Variants in LRMDA observed in about 807,000 individuals in gnomAD.
The protein encoded by LRMDA is leucine-rich melanocyte differentiation-associated protein.
A neutral mutation model predicts 29.8 loss-of-function variants in LRMDA; 18 were observed. The observed-to-expected ratio is 0.60, with a 90% CI of 0.42 to 0.90. The LOEUF is 0.90. Among genes scored for constraint, LRMDA ranks in the 40% least tolerant of loss-of-function variants. LRMDA has a pLI of 0.00. For missense variants in LRMDA, 273 were observed against 273.9 expected (o/e 1.00, Z 0.02); for synonymous variants, 125 against 109.4 (o/e 1.14, Z -0.89).
chr10:75,499,363 A>G (rs1297100600), intron 2 of LRMDA, among the ~76,000 whole-genome samples: 1 of 152,170 alleles, frequency 6.6e-6, no homozygotes, highest in Non-Finnish European at 1.5e-5. Context: ...TATGTGGACT[A>G]GTGAAGAGAG....
chr10:76,082,657 C>G (rs75424111), intron 5 of LRMDA, among the ~76,000 whole-genome samples: 2 of 151,822 alleles, frequency 1.3e-5, no homozygotes, highest in East Asian at 3.9e-4. Flanking sequence ...TCACCTTGTA[C>G]CCATTAGGCT....
In LRMDA at chr10:76,344,737, A is replaced by G. The variant is rs1841081281; in HGVS notation, c.601+20252A>G. Among the ~76,000 whole-genome samples the G allele has an allele frequency of 4.6e-5, 7 of 152,248 alleles. No individual in the cohort carries two copies. In the South Asian group the frequency reaches 1.4e-3, roughly 32 times the overall value. On this transcript the variant is annotated intron_variant, in intron 6 of 6. Transcript: ENST00000611255. ...GTAGTCTAGAACTAGACTCAGTTAC[A>G]TGTAGAAATTTGTATATGGTAAAGT...
At chr10:75,721,115 T>C (rs949013484) in intron 2 of LRMDA, among the ~76,000 whole-genome samples, 1 of 152,240 alleles carries the variant, frequency 6.6e-6, no homozygotes, top group African/African-American at 2.4e-5. Flanking sequence ...ACCATTTTGT[T>C]CTGGCTCCAA....
At chr10:76,095,877 G>A (rs1173506837) in intron 5 of LRMDA, among the ~76,000 whole-genome samples, 4 of 151,544 alleles carry the variant, frequency 2.6e-5, no homozygotes, top group Non-Finnish European at 5.9e-5. Context: ...GTCGGGAGGC[G>A]GAGCTTGCAG....
In LRMDA at chr10:76,531,627, G is replaced by A. The variant is rs974770400; in HGVS notation, c.602-25582G>A. On this transcript the variant is annotated intron_variant, in intron 6 of 6. Coordinates refer to ENST00000611255, the MANE Select transcript of LRMDA (RefSeq NM_001305581.2). ...TATTGAACCAACCTTGCATCTCTAG[G>A]ATAAAGTGTACTTGGTCATGATGTA... 5.3e-5 allele frequency among the ~76,000 whole-genome samples: 8 copies of A among 151,974 alleles called. No homozygotes were observed. In the East Asian group the frequency reaches 5.8e-4, roughly 11 times the overall value.
At chr10:75,575,720 G>T (rs776454936) in intron 2 of LRMDA, among the ~76,000 whole-genome samples, 3 of 152,212 alleles carry the variant, frequency 2.0e-5, no homozygotes, top group African/African-American at 7.2e-5. Context: ...CCCAAGGAGG[G>T]TGAGCCGAAG....
At chr10:75,713,859 C>T (rs892986207) in intron 2 of LRMDA, among the ~76,000 whole-genome samples, 2 of 152,136 alleles carry the variant, frequency 1.3e-5, no homozygotes, top group African/African-American at 4.8e-5. Context: ...CTCTCTCTCT[C>T]TCCTCTCTCC....
chr10:76,103,251 C>G (rs552980237), intron 5 of LRMDA, among the ~76,000 whole-genome samples: 12 of 152,254 alleles, frequency 7.9e-5, no homozygotes, highest in Non-Finnish European at 1.3e-4. Flanking sequence ...TCATAACCTT[C>G]TTGGATGGAA....
At position 76,335,512 on chromosome 10, in the gene LRMDA, G is replaced by A. The variant is rs1479224099; in HGVS notation, c.601+11027G>A. ...TTATTTTGCAAAGACTTAAGGATGC[G>A]CCTGTGACACAGCCTCAGGAGGTCC... is the stretch of plus-strand genomic sequence containing the variant. On this transcript the variant is annotated intron_variant, in intron 6 of 6. Coordinates refer to ENST00000611255, the MANE Select transcript of LRMDA (RefSeq NM_001305581.2). Among the ~76,000 whole-genome samples the A allele has an allele frequency of 2.0e-5, 3 of 152,180 alleles. No individual in the cohort carries two copies. In the East Asian group the frequency reaches 5.8e-4, roughly 29 times the overall value.
chr10:76,195,862 C>A (rs1851323218), intron 5 of LRMDA, among the ~76,000 whole-genome samples: 1 of 152,132 alleles, frequency 6.6e-6, no homozygotes, highest in East Asian at 1.9e-4. Flanking sequence ...TGTGACTGAC[C>A]CACTTCTTTT....
In LRMDA at chr10:76,489,998, T is replaced by C. The variant is rs1413969795; in HGVS notation, c.602-67211T>C. Among the ~76,000 whole-genome samples the C allele has an allele frequency of 3.3e-5, 5 of 151,930 alleles. No homozygotes were observed. In the East Asian group the frequency reaches 9.7e-4, roughly 30 times the overall value. ...TTTATAAATTACCCAGTCTCAGGTA[T>C]TCATAATAAAATGAAAATAAAAATA... is the stretch of plus-strand genomic sequence containing the variant. On this transcript the variant is annotated intron_variant, in intron 6 of 6. Coordinates refer to ENST00000611255, the MANE Select transcript of LRMDA (RefSeq NM_001305581.2).
intron 6 of LRMDA, among the ~76,000 whole-genome samples, chr10:76,469,441 G>A (rs1456278746): frequency 1.3e-5 from 2 of 152,074 alleles, no homozygotes; most frequent in African/African-American, 4.8e-5. Context: ...CATCATTCTT[G>A]CTCAAGAATG....
At chr10:76,191,435 T>C (rs1851244480) in intron 5 of LRMDA, among the ~76,000 whole-genome samples, 1 of 152,226 alleles carries the variant, frequency 6.6e-6, no homozygotes, top group Admixed American at 6.5e-5. Context: ...CCTTTGTCAC[T>C]TCATTCCTTC....
chr10:76,269,536 A>G (rs970169523), intron 5 of LRMDA, among the ~76,000 whole-genome samples: 8 of 152,180 alleles, frequency 5.3e-5, no homozygotes, highest in Non-Finnish European at 1.0e-4. Context: ...GAGGATGTCT[A>G]TAGATACATA....
intron 5 of LRMDA, among the ~76,000 whole-genome samples, chr10:76,202,777 A>T (rs1251641048): frequency 6.6e-6 from 1 of 152,036 alleles, no homozygotes; most frequent in Admixed American, 6.6e-5. Flanking sequence ...GAAGGAGCGG[A>T]CACTAGATGA....
At chr10:75,527,744 T>C (rs1434625035) in intron 2 of LRMDA, among the ~76,000 whole-genome samples, 1 of 147,366 alleles carries the variant, frequency 6.8e-6, no homozygotes, top group Non-Finnish European at 1.5e-5. Flanking sequence ...AATTATAATA[T>C]AAATAATATA....
chr10:75,657,315 A>G (rs1001761392), intron 2 of LRMDA, among the ~76,000 whole-genome samples: 2 of 152,238 alleles, frequency 1.3e-5, no homozygotes, highest in Non-Finnish European at 2.9e-5. Flanking sequence ...AGTGGTCAGA[A>G]AGATCTTAAA....
intron 2 of LRMDA, among the ~76,000 whole-genome samples, chr10:75,957,233 A>G (rs1262085929): frequency 6.6e-6 from 1 of 152,248 alleles, no homozygotes; most frequent in Non-Finnish European, 1.5e-5. Context: ...TTAGTGGGCT[A>G]TGCTGAGTTC....
At chr10:75,913,623 G>C (rs757130936) in intron 2 of LRMDA, among the ~76,000 whole-genome samples, 1 of 152,220 alleles carries the variant, frequency 6.6e-6, no homozygotes, top group Non-Finnish European at 1.5e-5. Flanking sequence ...ACCTCCTTGA[G>C]GCTAGGCTGA....
Sources: allele counts gnomAD v4.1 joint callset (sites outside exome capture counted in the v4.1 genomes callset), GRCh38; gene constraint gnomAD v4.1.1; transcripts MANE v1.5; gene names NCBI Gene and HGNC (gene_info 2026-07-23, HGNC 2026-07-21).